The following ITGA2 variants were observed in gnomAD, a reference collection of about 807,000 sequenced individuals.
ITGA2 encodes integrin alpha-2.
ITGA2 carries 101 observed loss-of-function variants against 146.3 expected under a neutral mutation model. The observed-to-expected ratio is 0.69, with a 90% CI of 0.59 to 0.81. ITGA2 has a LOEUF of 0.81. Ranked by LOEUF, ITGA2 falls within the 40% of genes least tolerant of loss-of-function variation. The pLI is 0.00. For synonymous variants in ITGA2, 477 were observed against 487.1 expected (o/e 0.98, Z 0.27); for missense variants, 1,281 against 1,402.7 (o/e 0.91, Z 1.39).
intron 12 of ITGA2, among the ~76,000 whole-genome samples, chr5:53,061,399 G>T (rs980187489): frequency 6.6e-6 from 1 of 151,826 alleles, no homozygotes; most frequent in Non-Finnish European, 1.5e-5. Context: ...TTATTTAGTT[G>T]TGATGGCAGG....
intron 13 of ITGA2, 137 bp downstream of exon 13, chr5:53,063,066 G>T: frequency 1.4e-6 from 1 of 737,926 alleles, no homozygotes; most frequent in South Asian, 1.8e-5. Context: ...CATTTTTGAG[G>T]ATGTCCCCAT....
Position 53,067,163 on chromosome 5 carries a change from A to G in ITGA2, c.1989A>G (p.Pro663=), listed in dbSNP as rs1421727442. The change falls in exon 16 of 30, where the codon CCA becomes CCG. Residue 663 remains proline, a synonymous_variant. Transcript: ENST00000296585. ...TAGCTATAGAAGCTTCATTCACACC[A>G]GAAAAAATCACTTTGGTCAACAAGA... The part of the protein sequence containing the change: ...ADVAIEASFT[P]EKITLVNKNA... The G allele has an allele frequency of 6.2e-6, 10 of 1,611,502 alleles. No individual in the cohort carries two copies. Among genetic ancestry groups the G allele is most frequent in the Non-Finnish European group, 7.6e-6 (9 of 1,178,674 alleles).
intron 1 of ITGA2, among the ~76,000 whole-genome samples, chr5:53,005,063 C>T (rs1203437455): frequency 4.0e-5 from 6 of 151,724 alleles, no homozygotes; most frequent in Non-Finnish European, 5.9e-5. Context: ...GATCATTTCC[C>T]GTTGCCATAC....
chr5:53,042,791 T>C (rs141406661), intron 3 of ITGA2, among the ~76,000 whole-genome samples: 1 of 152,204 alleles, frequency 6.6e-6, no homozygotes, highest in African/African-American at 2.4e-5. Flanking sequence ...TGTAATATGC[T>C]GATACAAGTA....
intron 1 of ITGA2, chr5:52,990,281 G>A (rs1457584027): frequency 6.6e-6 from 1 of 152,498 alleles, no homozygotes; most frequent in African/African-American, 2.4e-5. Flanking sequence ...GCCGCAATGA[G>A]AGAATAAGCC....
Position 53,081,658 on chromosome 5 carries a change from T to A in ITGA2, c.3106T>A (p.Ser1036Thr). ...AATAGGACAAACATCTTCTTCTGTA[T>A]CTTTCAAAAGTGAAAATTTCAGGCA... ...LKIGQTSSSV[S>T]FKSENFRHTK... Residue 1036 changes from serine to threonine, a missense_variant, in exon 26 of 30, where the codon TCT becomes ACT. Ser to Thr is a moderately conservative substitution (Grantham distance 58). Transcript: ENST00000296585. The A allele has an allele frequency of 1.2e-6, 2 of 1,613,180 alleles. No individual in the cohort carries two copies. Among genetic ancestry groups the A allele is most frequent in the Non-Finnish European group, 1.7e-6 (2 of 1,179,544 alleles).
intron 4 of ITGA2, among the ~76,000 whole-genome samples, chr5:53,047,626 C>G (rs1242571116): frequency 6.6e-6 from 1 of 152,160 alleles, no homozygotes; most frequent in Admixed American, 6.5e-5. Flanking sequence ...CCTCTCGACT[C>G]TCTTTTACAA....
At chr5:53,080,847 A>C (rs1375295353) in intron 25 of ITGA2, among the ~76,000 whole-genome samples, 1 of 151,926 alleles carries the variant, frequency 6.6e-6, no homozygotes, top group East Asian at 1.9e-4. Context: ...TATTCCAAAA[A>C]CCCCATTTTG....
chr5:53,066,607 G>A (rs1280705459), intron 15 of ITGA2, among the ~76,000 whole-genome samples: 3 of 151,826 alleles, frequency 2.0e-5, no homozygotes, highest in Non-Finnish European at 4.4e-5. Context: ...TGCTTTAAAT[G>A]TACAAATATT....
rs1316898912 is a variant in ITGA2, at chr5:53,094,416, A to G, written c.*3817A>G. On this transcript the variant is annotated 3_prime_UTR_variant, in exon 30 of 30. Transcript: ENST00000296585. ...AGATTAAGTCAAAATATGAATGTAT[A>G]TATTGCATAACTATGTTAGAATTGT... 1 of 152,230 alleles carries G rather than the reference A, an allele frequency of 6.6e-6. No homozygotes were observed. Among genetic ancestry groups the G allele is most frequent in the Non-Finnish European group, 1.5e-5 (1 of 68,020 alleles). The allele number at this position is 152,230 out of a possible 1,614,324, so 9.4% of individuals were successfully genotyped here.
At chr5:53,010,183 C>A (rs1421940) in intron 1 of ITGA2, among the ~76,000 whole-genome samples, 37,456 of 151,976 alleles carry the variant, frequency 0.25, 5,435 homozygotes, top group Non-Finnish European at 0.33. Flanking sequence ...ATGAATCCTG[C>A]ATTACCTACA....
chr5:53,040,536 T>C (rs1743739733), intron 2 of ITGA2, among the ~76,000 whole-genome samples: 1 of 152,224 alleles, frequency 6.6e-6, no homozygotes. Flanking sequence ...CATTCAGATT[T>C]CTATCTTTTT....
intron 1 of ITGA2, among the ~76,000 whole-genome samples, chr5:53,023,019 A>G (rs2111797486): frequency 6.6e-6 from 1 of 152,312 alleles, no homozygotes; most frequent in Admixed American, 6.5e-5. Flanking sequence ...ATTTACTGGA[A>G]TACTTTGGCC....
intron 16 of ITGA2, among the ~76,000 whole-genome samples, chr5:53,068,298 A>G (rs1381376014): frequency 6.6e-6 from 1 of 151,904 alleles, no homozygotes; most frequent in Non-Finnish European, 1.5e-5. Context: ...AGATTGACCC[A>G]ATTTTGAGTA....
intron 1 of ITGA2, among the ~76,000 whole-genome samples, chr5:52,992,351 C>T (rs552694613): frequency 6.6e-6 from 1 of 152,120 alleles, no homozygotes; most frequent in Non-Finnish European, 1.5e-5. Context: ...GCACAGGTCC[C>T]TATCTCCAGC....
chr5:53,027,023 CT>C (rs1370284949), intron 2 of ITGA2, among the ~76,000 whole-genome samples, 155 bp downstream of exon 2: 2 of 152,230 alleles, frequency 1.3e-5, no homozygotes, highest in Non-Finnish European at 2.9e-5. Flanking sequence ...GAGTTGACAA[CT>C]GCAGACTGAT....
At chr5:53,044,864 T>C in intron 3 of ITGA2, 137 bp from the exon 4 acceptor site, 1 of 690,894 alleles carries the variant, frequency 1.4e-6, no homozygotes. Context: ...CACACTTCAT[T>C]ATATAACTCA....
At chr5:53,054,520 G>A (rs1744535099) in intron 7 of ITGA2, among the ~76,000 whole-genome samples, 1 of 152,018 alleles carries the variant, frequency 6.6e-6, no homozygotes, top group Non-Finnish European at 1.5e-5. Context: ...TATACACAGG[G>A]ATATTTATTA....
intron 6 of ITGA2, 57 bp downstream of exon 6, chr5:53,048,827 G>C: frequency 6.3e-7 from 1 of 1,580,426 alleles, no homozygotes; most frequent in South Asian, 1.1e-5. Context: ...AAAAAATATT[G>C]TTAGCTATGA....
Sources: allele counts gnomAD v4.1 joint callset (sites outside exome capture counted in the v4.1 genomes callset), GRCh38; gene constraint gnomAD v4.1.1; transcripts MANE v1.5; gene names NCBI Gene and HGNC (gene_info 2026-07-23, HGNC 2026-07-21).